Variants in MDGA2 observed in about 807,000 individuals in gnomAD.
MDGA2 encodes the protein MAM domain containing glycosylphosphatidylinositol anchor 2.
In MDGA2, 40 loss-of-function variants were observed where a neutral mutation model predicts 117.8. The ratio of observed to expected loss-of-function variants is 0.34; its 90% CI spans 0.26 to 0.44. The LOEUF (loss-of-function observed/expected upper bound fraction) is 0.44, where lower values mean the gene tolerates loss of function less well. MDGA2 is among the 20% of genes least tolerant of loss of function. MDGA2 has a pLI of 1.00. For synonymous variants in MDGA2, 452 were observed against 439.0 expected, an observed-to-expected ratio of 1.03 and a Z score of -0.37; for missense variants, 1,123 against 1,250.6, an observed-to-expected ratio of 0.90 and a Z score of 1.54.
At chr14:47,451,423 C>CTT (rs537696818) in intron 1 of MDGA2, among the ~76,000 whole-genome samples, 213 of 152,114 alleles carry the variant, frequency 1.4e-3, no homozygotes, top group Admixed American at 8.3e-3. Flanking sequence ...AAAATGGACT[C>CTT]TGAGAAACCT....
intron 9 of MDGA2, among the ~76,000 whole-genome samples, chr14:46,935,742 T>C (rs1236231183): frequency 1.3e-5 from 2 of 152,098 alleles, no homozygotes; most frequent in East Asian, 3.9e-4. Context: ...ACCTTCACCA[T>C]CACCACCACT....
At chr14:47,671,090 A>C (rs955331665) in intron 1 of MDGA2, among the ~76,000 whole-genome samples, 3 of 152,276 alleles carry the variant, frequency 2.0e-5, no homozygotes, top group Admixed American at 1.3e-4. Context: ...TAATAAATAT[A>C]AAGTACAAAT....
intron 3 of MDGA2, among the ~76,000 whole-genome samples, chr14:47,203,084 A>C (rs1394032246): frequency 6.6e-6 from 1 of 152,020 alleles, no homozygotes; most frequent in Non-Finnish European, 1.5e-5. Flanking sequence ...GAGTAAAAGC[A>C]ATTACAGATC....
At chr14:46,981,131 C>T (rs1009344243) in intron 8 of MDGA2, among the ~76,000 whole-genome samples, 1 of 150,044 alleles carries the variant, frequency 6.7e-6, no homozygotes, top group African/African-American at 2.5e-5. Flanking sequence ...GGGCCTGGCG[C>T]GGTGGCTCAT....
intron 1 of MDGA2, among the ~76,000 whole-genome samples, chr14:47,335,745 T>TATATATATATATATATATATAC: frequency 1.3e-4 from 12 of 95,584 alleles, no homozygotes; most frequent in Non-Finnish European, 2.4e-4. Flanking sequence ...TATATATATA[T>TATATATATATATATATATATAC]ATACATACAT....
intron 1 of MDGA2, among the ~76,000 whole-genome samples, chr14:47,314,930 A>G (rs1889758727): frequency 6.6e-6 from 1 of 152,170 alleles, no homozygotes; most frequent in Non-Finnish European, 1.5e-5. Flanking sequence ...GACCCCATTA[A>G]TGTACTATTG....
chr14:46,999,985 G>T (rs1431955307), intron 8 of MDGA2, among the ~76,000 whole-genome samples: 1 of 151,748 alleles, frequency 6.6e-6, no homozygotes, highest in Non-Finnish European at 1.5e-5. Flanking sequence ...GAATCACCTG[G>T]ATTGAAATAC....
intron 1 of MDGA2, among the ~76,000 whole-genome samples, chr14:47,345,100 C>T (rs1378374719): frequency 6.6e-6 from 1 of 152,074 alleles, no homozygotes; most frequent in Non-Finnish European, 1.5e-5. Flanking sequence ...TATACAACCT[C>T]TGCCAGAAGA....
intron 7 of MDGA2, among the ~76,000 whole-genome samples, chr14:47,041,789 T>A (rs1889080216): frequency 6.6e-6 from 1 of 152,094 alleles, no homozygotes; most frequent in Admixed American, 6.6e-5. Flanking sequence ...ATTCTTTACT[T>A]AGAAAATGGC....
chr14:47,185,113 AAT>A (rs1469594288), intron 3 of MDGA2, among the ~76,000 whole-genome samples: 1 of 151,098 alleles, frequency 6.6e-6, no homozygotes, highest in Non-Finnish European at 1.5e-5. Context: ...ACATACATAA[AAT>A]ATGTTAAAAT....
intron 2 of MDGA2, among the ~76,000 whole-genome samples, chr14:47,259,119 T>C (rs1044232916): frequency 3.3e-5 from 5 of 151,396 alleles, no homozygotes; most frequent in South Asian, 2.1e-4. Context: ...CCCTGGAGCG[T>C]TTTTGTTGTT....
intron 3 of MDGA2, among the ~76,000 whole-genome samples, chr14:47,194,570 GCA>G (rs762140069): frequency 5.3e-5 from 8 of 151,968 alleles, no homozygotes; most frequent in Non-Finnish European, 8.8e-5. Context: ...TCTCTAGGAA[GCA>G]CAGTTTCAAG....
At chr14:47,555,998 T>C (rs539086261) in intron 1 of MDGA2, among the ~76,000 whole-genome samples, 31 of 152,290 alleles carry the variant, frequency 2.0e-4, no homozygotes, top group African/African-American at 2.6e-4. Context: ...AGTTTTGACA[T>C]TTCTGAATTT....
At chr14:47,205,282 C>T (rs981008694) in intron 3 of MDGA2, among the ~76,000 whole-genome samples, 30 of 151,906 alleles carry the variant, frequency 2.0e-4, no homozygotes, top group Non-Finnish European at 3.5e-4. Flanking sequence ...TCTTTAGCGA[C>T]TATTTATTCC....
At chr14:46,999,333 A>T (rs1887419387) in intron 8 of MDGA2, among the ~76,000 whole-genome samples, 1 of 152,098 alleles carries the variant, frequency 6.6e-6, no homozygotes, top group African/African-American at 2.4e-5. Context: ...AAGCACTAGC[A>T]AAAAAGCAGT....
chr14:46,960,670 CACACATATACATACATATGTGTATATAT>C (rs1885760101), intron 8 of MDGA2: 2 of 151,368 alleles, frequency 1.3e-5, no homozygotes, highest in Non-Finnish European at 2.9e-5. Context: ...TATATATACA[CACACATATACATACATATGTGTATATAT>C]ACACATATAT....
intron 1 of MDGA2, chr14:47,343,345 C>T: frequency 2.4e-6 from 2 of 831,944 alleles, no homozygotes; most frequent in Non-Finnish European, 2.9e-6. Flanking sequence ...AATACTCCCA[C>T]AGCTCAAAGG....
intron 1 of MDGA2, among the ~76,000 whole-genome samples, chr14:47,350,591 GCA>G (rs1246041705): frequency 3.3e-5 from 5 of 152,116 alleles, no homozygotes; most frequent in African/African-American, 1.2e-4. Context: ...GTGTGTGCGC[GCA>G]CACGTGGGAG....
intron 15 of MDGA2, among the ~76,000 whole-genome samples, chr14:46,850,651 T>C (rs1881021667): frequency 1.3e-5 from 2 of 151,874 alleles, no homozygotes; most frequent in Non-Finnish European, 1.5e-5. Context: ...TCCTCAACCA[T>C]TACAAAACAA....
Sources: gnomAD v4.1 joint callset for allele counts (sites outside exome capture counted in the v4.1 genomes callset) on GRCh38, gnomAD v4.1.1 for gene constraint, MANE v1.5 for transcripts, NCBI Gene and HGNC (gene_info 2026-07-23, HGNC 2026-07-21) for gene names.